The following CSMD3 variants were observed in gnomAD, a reference collection of about 807,000 sequenced individuals.
CSMD3 encodes CUB and Sushi multiple domains 3.
In CSMD3, 177 loss-of-function variants were observed where a neutral mutation model predicts 435.2. The observed-to-expected ratio is 0.41, with a 90% CI of 0.36 to 0.46. The LOEUF (loss-of-function observed/expected upper bound fraction) is 0.46, where lower values mean the gene tolerates loss of function less well. Among genes scored for constraint, CSMD3 ranks in the 20% least tolerant of loss-of-function variants. The pLI, the probability that CSMD3 is intolerant of heterozygous loss-of-function variation, is 0.34. For synonymous variants in CSMD3, 1,656 were observed against 1,520.5 expected (o/e 1.09, Z -2.07); for missense variants, 4,265 against 4,504.6 (o/e 0.95, Z 1.52).
At chr8:112,356,610 A>G (rs1443379252) in intron 38 of CSMD3, among the ~76,000 whole-genome samples, 1 of 150,802 alleles carries the variant, frequency 6.6e-6, no homozygotes, top group East Asian at 2.0e-4. Flanking sequence ...TCCTCCCACA[A>G]CACGTGGGAA....
chr8:113,052,776 A>G (rs2088154143), intron 5 of CSMD3, among the ~76,000 whole-genome samples: 2 of 152,190 alleles, frequency 1.3e-5, no homozygotes, highest in Admixed American at 6.5e-5. Context: ...CCCATCTCTT[A>G]AAAAGATAAT....
At chr8:112,696,916 G>T (rs1474621442) in intron 13 of CSMD3, among the ~76,000 whole-genome samples, 2 of 152,204 alleles carry the variant, frequency 1.3e-5, no homozygotes, top group African/African-American at 2.4e-5. Flanking sequence ...GTGGGCAAAG[G>T]ATATGAACAG....
intron 38 of CSMD3, among the ~76,000 whole-genome samples, chr8:112,360,304 G>C (rs1205784180): frequency 6.6e-6 from 1 of 151,890 alleles, no homozygotes; most frequent in Non-Finnish European, 1.5e-5. Flanking sequence ...AAATCCAGTA[G>C]CGACAGTTTC....
intron 16 of CSMD3, among the ~76,000 whole-genome samples, chr8:112,669,932 A>G (rs2075617630): frequency 1.3e-5 from 2 of 152,196 alleles, no homozygotes; most frequent in Admixed American, 1.3e-4. Context: ...GAACAAAGGC[A>G]GTTTGACTCT....
chr8:112,696,947 T>C (rs1337173331), intron 13 of CSMD3, among the ~76,000 whole-genome samples: 1 of 151,762 alleles, frequency 6.6e-6, no homozygotes, highest in African/African-American at 2.4e-5. Context: ...AAAGAAGACA[T>C]TTATGCAGCC....
intron 27 of CSMD3, among the ~76,000 whole-genome samples, chr8:112,545,014 T>C (rs1201790982): frequency 1.3e-5 from 2 of 152,216 alleles, no homozygotes; most frequent in Non-Finnish European, 2.9e-5. Flanking sequence ...TTTGTAGGTC[T>C]GTAAATCAAC....
At chr8:112,954,162 A>G (rs2083925361) in intron 8 of CSMD3, among the ~76,000 whole-genome samples, 2 of 151,548 alleles carry the variant, frequency 1.3e-5, no homozygotes, top group South Asian at 2.1e-4. Context: ...AAGATTTTCA[A>G]GAAGTGAATA....
intron 19 of CSMD3, among the ~76,000 whole-genome samples, chr8:112,646,666 C>T (rs1161235141): frequency 6.6e-6 from 1 of 152,012 alleles, no homozygotes; most frequent in Non-Finnish European, 1.5e-5. Context: ...AACAAACATT[C>T]GTACTATTAC....
chr8:113,210,832 A>G (rs575195289), intron 3 of CSMD3, among the ~76,000 whole-genome samples: 51 of 152,078 alleles, frequency 3.4e-4, no homozygotes, highest in African/African-American at 1.1e-3. Context: ...GTAAGCCAAG[A>G]GCACCGCTGC....
At chr8:112,385,849 G>C (rs573119042) in intron 36 of CSMD3, among the ~76,000 whole-genome samples, 117 of 152,252 alleles carry the variant, frequency 7.7e-4, no homozygotes, top group African/African-American at 2.7e-3. Flanking sequence ...AAGAAAGTCA[G>C]TTTACTTCTG....
chr8:112,564,748 A>C (rs1315535041), intron 24 of CSMD3, among the ~76,000 whole-genome samples: 1 of 152,030 alleles, frequency 6.6e-6, no homozygotes, highest in Admixed American at 6.6e-5. Context: ...GAATCTGAAA[A>C]ATGTAGTTGC....
At chr8:113,343,861 G>A (rs1246274549) in intron 1 of CSMD3, among the ~76,000 whole-genome samples, 3 of 152,100 alleles carry the variant, frequency 2.0e-5, no homozygotes, top group African/African-American at 7.2e-5. Context: ...CACGAGGTCA[G>A]GAGATTTGAG....
At chr8:112,926,167 T>C (rs1229376732) in intron 9 of CSMD3, among the ~76,000 whole-genome samples, 4 of 152,124 alleles carry the variant, frequency 2.6e-5, no homozygotes, top group African/African-American at 9.7e-5. Flanking sequence ...CTTAAACAAA[T>C]GCACTGTGCT....
At chr8:112,613,736 T>TA (rs1028262765) in intron 22 of CSMD3, among the ~76,000 whole-genome samples, 15 of 151,896 alleles carry the variant, frequency 9.9e-5, no homozygotes, top group African/African-American at 1.9e-4. Context: ...GATCCAGCCA[T>TA]AAAAAAAAGA....
chr8:113,418,723 G>A (rs894976041), intron 1 of CSMD3, among the ~76,000 whole-genome samples: 2 of 152,074 alleles, frequency 1.3e-5, no homozygotes, highest in Non-Finnish European at 2.9e-5. Flanking sequence ...ATTATATATC[G>A]GAAGCAGTTT....
chr8:112,543,448 A>C (rs917111210), intron 27 of CSMD3, among the ~76,000 whole-genome samples: 2 of 152,164 alleles, frequency 1.3e-5, no homozygotes, highest in African/African-American at 4.8e-5. Flanking sequence ...TTTCTATAAA[A>C]AAGGCATACA....
At chr8:112,717,363 A>G (rs575826908) in intron 13 of CSMD3, among the ~76,000 whole-genome samples, 1 of 152,310 alleles carries the variant, frequency 6.6e-6, no homozygotes, top group South Asian at 2.1e-4. Flanking sequence ...CAAAATCACA[A>G]TGAGATACTA....
At chr8:113,306,907 C>T (rs1406157019) in intron 2 of CSMD3, among the ~76,000 whole-genome samples, 1 of 151,754 alleles carries the variant, frequency 6.6e-6, no homozygotes, top group African/African-American at 2.4e-5. Flanking sequence ...GTTATGACAA[C>T]AATCCATCAA....
At chr8:113,371,685 T>A (rs2094346871) in intron 1 of CSMD3, among the ~76,000 whole-genome samples, 1 of 152,148 alleles carries the variant, frequency 6.6e-6, no homozygotes, top group Non-Finnish European at 1.5e-5. Context: ...ACAGATCAAT[T>A]ACATCTAAGA....
Sources: gnomAD v4.1 joint callset for allele counts (sites outside exome capture counted in the v4.1 genomes callset) on GRCh38, gnomAD v4.1.1 for gene constraint, MANE v1.5 for transcripts, NCBI Gene and HGNC (gene_info 2026-07-23, HGNC 2026-07-21) for gene names.